DOP1B: variants seen among roughly 807,000 people sequenced by gnomAD.
The protein encoded by DOP1B is protein DOP1B.
In DOP1B, 174 loss-of-function variants were observed where a neutral mutation model predicts 233.5. The observed-to-expected ratio is 0.75, with a 90% CI of 0.66 to 0.85. The LOEUF is 0.85. Ranked by LOEUF, DOP1B falls within the 40% of genes least tolerant of loss-of-function variation. DOP1B has a pLI of 0.00. For missense variants in DOP1B, 2,652 were observed against 2,846.6 expected (o/e 0.93, Z 1.56); for synonymous variants, 1,190 against 1,185.6 (o/e 1.00, Z -0.08).
intron 1 of DOP1B, among the ~76,000 whole-genome samples, chr21:36,161,231 C>T (rs1022713289): frequency 4.6e-5 from 7 of 151,920 alleles, no homozygotes; most frequent in African/African-American, 1.5e-4. Flanking sequence ...CTGCAACCTC[C>T]GCCTCCTGGA....
rs370241915 is a variant in DOP1B at position 36,289,118 on chromosome 21, C to G, written c.6427C>G (p.Gln2143Glu). The G allele has an allele frequency of 3.7e-6, 6 of 1,614,112 alleles. No individual in the cohort carries two copies. The highest frequency in any genetic ancestry group is 1.3e-5 in the African/African-American group (1 of 75,052). Residue 2143 changes from glutamine to glutamate, a missense_variant, in exon 35 of 37, where the codon CAG becomes GAG. By Grantham distance (29) the Gln-to-Glu change is conservative. Around this residue, in one of 3 missense-constraint regions of DOP1B, gnomAD observed 2,617 missense variants for 2,794.3 expected, o/e 0.94. Coordinates refer to ENST00000691173, the MANE Select transcript of DOP1B (RefSeq NM_001320714.2). ...TGGACCCTCAGTGGGGGAGATACCC[C>G]AGAGTGAACTCATCTTGTATTTATC... ...ANGPSVGEIP[Q>E]SELILYLSAC...
chr21:36,183,828 C>G (rs2066130539), intron 2 of DOP1B, among the ~76,000 whole-genome samples: 1 of 150,754 alleles, frequency 6.6e-6, no homozygotes, highest in African/African-American at 2.4e-5. Flanking sequence ...GATAGCCCAG[C>G]TTTCATGCCA....
Position 36,232,944 on chromosome 21 carries a change from A to G in DOP1B, c.2491A>G (p.Ile831Val), listed in dbSNP as rs200016754. 66 of 1,614,070 alleles carry G rather than the reference A, an allele frequency of 4.1e-5. No individual in the cohort carries two copies. The highest frequency in any genetic ancestry group is 5.6e-5 in the Non-Finnish European group (66 of 1,180,020). ...CCATTCCCAGTCCCTGGCGCTTGTC[A>G]TTGAAGACAAGATGAAACGCTATAA... ...INHSQSLALVIEDKMKRYKSS... is the reference protein window; with the variant it reads ...INHSQSLALVVEDKMKRYKSS... The change falls in exon 15 of 37, where the codon ATT becomes GTT. Residue 831 changes from isoleucine to valine, a missense_variant. Coordinates refer to ENST00000691173, the MANE Select transcript of DOP1B (RefSeq NM_001320714.2).
chr21:36,263,573 C>A lies in DOP1B; in HGVS notation c.5343C>A (p.Asn1781Lys). Residue 1781 changes from asparagine to lysine, a missense_variant, in exon 25 of 37, where the codon AAC becomes AAA. By Grantham distance (94) the Asn-to-Lys change is moderately conservative. This residue lies in a region of DOP1B where 2,617 missense variants were observed against 2,794.3 expected (regional missense o/e 0.94). Transcript: ENST00000691173. Reference protein sequence around the residue: ...QRLPVPALQENFSSLLGVLKE... With the variant: ...QRLPVPALQEKFSSLLGVLKE... Reference sequence around the variant, plus strand: ...TCCCAGTACCAGCCTTGCAAGAGAACTTTTCTTCACTGTTGGGAGTATTGA... The same window carrying A: ...TCCCAGTACCAGCCTTGCAAGAGAAATTTTCTTCACTGTTGGGAGTATTGA... 1 of 1,614,184 alleles carries A rather than the reference C, an allele frequency of 6.2e-7. No individual in the cohort carries two copies. Among genetic ancestry groups the A allele is most frequent in the Non-Finnish European group, 8.5e-7 (1 of 1,180,028 alleles).
intron 2 of DOP1B, among the ~76,000 whole-genome samples, chr21:36,172,466 T>C (rs2065980991): frequency 6.6e-6 from 1 of 152,186 alleles, no homozygotes; most frequent in African/African-American, 2.4e-5. Context: ...TTGGTATGAA[T>C]AAAGAATTTT....
Position 36,278,073 on chromosome 21 carries a change from AC to A in DOP1B, c.5812del (p.Arg1938AlafsTer18). ...RLLYYVFPYLRNHSAYNAPSF... is the reference protein window; with the variant it reads ...RLLYYVFPYLXNHSAYNAPSF... ...TGCTTTACTATGTTTTTCCATACTTACGCAACCACAGGTAACGTCATCTTCG... is the reference window on the plus strand; with the variant it reads ...TGCTTTACTATGTTTTTCCATACTTAGCAACCACAGGTAACGTCATCTTCG... On this transcript the variant is annotated frameshift_variant, in exon 29 of 37. Transcript: ENST00000691173. LOFTEE classifies it high-confidence loss of function. 6.2e-7 allele frequency: 1 copy of A among 1,614,100 alleles called. No homozygotes were observed. The highest frequency in any genetic ancestry group is 8.5e-7 in the Non-Finnish European group (1 of 1,179,982).
At chr21:36,182,322 AGG>A (rs1049247136) in intron 2 of DOP1B, among the ~76,000 whole-genome samples, 74 of 152,226 alleles carry the variant, frequency 4.9e-4, no homozygotes, top group African/African-American at 1.6e-3. Flanking sequence ...GATGCGCTGC[AGG>A]GTGGGGGCCC....
At chr21:36,292,277 G>C in intron 36 of DOP1B, 44 bp downstream of exon 36, 1 of 1,254,260 alleles carries the variant, frequency 8.0e-7, no homozygotes, top group Non-Finnish European at 1.1e-6. Flanking sequence ...TTTTTGGTGA[G>C]ACAGAGTTTC....
intron 2 of DOP1B, among the ~76,000 whole-genome samples, chr21:36,187,886 C>T (rs7283264): frequency 0.19 from 28,819 of 152,176 alleles, 2,685 homozygotes; most frequent in Non-Finnish European, 0.2. Flanking sequence ...CAGGTGTAAG[C>T]CACTGCGCCT....
At position 36,199,314 on chromosome 21, in the gene DOP1B, A is replaced by G. The variant is rs2066331149; in HGVS notation, c.320+63A>G. 4.5e-6 allele frequency: 7 copies of G among 1,548,806 alleles called. No individual in the cohort carries two copies. The Admixed American group carries it at 1.4e-4, about 31-fold the overall frequency. On this transcript the variant is annotated intron_variant, in intron 3 of 36. Transcript: ENST00000691173. ...CAAGTAACCGGTATTTCAGCTCACA[A>G]GATGAGAAAATGACAAACAGGCAAA...
chr21:36,293,204 T>TC, intron 36 of DOP1B, 116 bp from the exon 37 acceptor site: 1 of 1,064,282 alleles, frequency 9.4e-7, no homozygotes, highest in East Asian at 2.6e-5. Flanking sequence ...AGACTCTGTC[T>TC]CAAAAAAAAA....
chr21:36,287,937 A>C, intron 32 of DOP1B, 77 bp from the exon 33 acceptor site: 4 of 1,522,024 alleles, frequency 2.6e-6, no homozygotes, highest in Non-Finnish European at 3.5e-6. Context: ...GAACAGTCAC[A>C]GTTTTATTTT....
In DOP1B at chr21:36,289,424, G is replaced by GGTGTGTGTGT. The variant is rs59907412; in HGVS notation, c.6515+260_6515+269dup. Among the ~76,000 whole-genome samples, 1,376 of 144,920 alleles carry GGTGTGTGTGT rather than the reference G, an allele frequency of 9.5e-3. 10 individuals carry two copies. The highest frequency in any genetic ancestry group is 0.014 in the Non-Finnish European group (891 of 65,972). On this transcript the variant is annotated intron_variant, in intron 35 of 36. Coordinates refer to ENST00000691173, the MANE Select transcript of DOP1B (RefSeq NM_001320714.2). ...GGAGTGTTTATGAATGTGTTTCTAT[G>GGTGTGTGTGT]GTGTGTGTGTGTGTGTGTGTGTGTG...
intron 2 of DOP1B, among the ~76,000 whole-genome samples, chr21:36,181,827 C>T (rs956521174): frequency 7.6e-6 from 1 of 131,406 alleles, no homozygotes; most frequent in African/African-American, 3.4e-5. Flanking sequence ...CCTGCACTCA[C>T]CTTCCATTTA....
intron 23 of DOP1B, 67 bp from the exon 24 acceptor site, chr21:36,260,610 T>A: frequency 6.2e-7 from 1 of 1,602,408 alleles, no homozygotes; most frequent in Non-Finnish European, 8.5e-7. Flanking sequence ...TGTTTCATTT[T>A]GTATCTGAAT....
chr21:36,194,055 T>A (rs745355216), intron 2 of DOP1B, among the ~76,000 whole-genome samples: 2 of 152,206 alleles, frequency 1.3e-5, no homozygotes, highest in Non-Finnish European at 2.9e-5. Context: ...GAACAGCAAA[T>A]TCTGAAACTG....
chr21:36,279,316 C>T (rs901730624), intron 30 of DOP1B, among the ~76,000 whole-genome samples: 7 of 151,526 alleles, frequency 4.6e-5, no homozygotes, highest in Admixed American at 3.3e-4. Flanking sequence ...TACATGGAAG[C>T]CTGAGGCAGG....
chr21:36,165,605 C>A (rs2065902925), intron 2 of DOP1B, among the ~76,000 whole-genome samples: 1 of 152,112 alleles, frequency 6.6e-6, no homozygotes, highest in South Asian at 2.1e-4. Flanking sequence ...AGCATTACTG[C>A]TTGGGCTCTG....
At chr21:36,263,690 T>A (rs751509508) in intron 25 of DOP1B, 40 bp downstream of exon 25, 2 of 1,613,102 alleles carry the variant, frequency 1.2e-6, no homozygotes, top group African/African-American at 2.7e-5. Flanking sequence ...ATATTTTCTC[T>A]TGGCACATAT....
Sources: allele counts gnomAD v4.1 joint callset (sites outside exome capture counted in the v4.1 genomes callset), GRCh38; gene constraint gnomAD v4.1.1; regional missense constraint gnomAD v4.1.1; transcripts MANE v1.5; gene names NCBI Gene and HGNC (gene_info 2026-07-23, HGNC 2026-07-21).